The following MSRA variants were observed in gnomAD, a reference collection of about 807,000 sequenced individuals.
MSRA encodes mitochondrial peptide methionine sulfoxide reductase.
A neutral mutation model predicts 31.3 loss-of-function variants in MSRA; 54 were observed. That is an observed-to-expected ratio of 1.73 (90% CI 1.39 to 2.17). The LOEUF (loss-of-function observed/expected upper bound fraction) is 2.17, where lower values mean the gene tolerates loss of function less well. MSRA is among the 30% of genes most tolerant of loss of function. The pLI, the probability that MSRA is intolerant of heterozygous loss-of-function variation, is 0.00. For synonymous variants in MSRA, 169 were observed against 116.5 expected (o/e 1.45, Z -2.90); for missense variants, 507 against 300.9 (o/e 1.69, Z -5.07).
intron 1 of MSRA, among the ~76,000 whole-genome samples, chr8:10,063,715 C>G (rs1485667133): frequency 1.3e-5 from 2 of 152,156 alleles, no homozygotes; most frequent in African/African-American, 2.4e-5. Flanking sequence ...AGGCGCTGTC[C>G]GTGAACCAGA....
At chr8:10,351,114 T>A (rs1411632154) in intron 5 of MSRA, among the ~76,000 whole-genome samples, 4 of 152,192 alleles carry the variant, frequency 2.6e-5, no homozygotes, top group African/African-American at 9.6e-5. Flanking sequence ...CAACCTGAGA[T>A]GCTTCAGTGG....
intron 1 of MSRA, among the ~76,000 whole-genome samples, chr8:10,101,821 C>T (rs116681103): frequency 0.013 from 1,904 of 152,296 alleles, 32 homozygotes; most frequent in African/African-American, 0.043. Context: ...TACCTTTTGG[C>T]TGTTGTGAAT....
At chr8:10,286,788 C>T (rs866754864) in intron 3 of MSRA, among the ~76,000 whole-genome samples, 3 of 152,218 alleles carry the variant, frequency 2.0e-5, no homozygotes, top group South Asian at 4.1e-4. Context: ...GTATTGAATT[C>T]CTGGCCTGTC....
At chr8:10,403,539 G>A (rs1401963573) in intron 5 of MSRA, among the ~76,000 whole-genome samples, 1 of 152,208 alleles carries the variant, frequency 6.6e-6, no homozygotes, top group Non-Finnish European at 1.5e-5. Context: ...TGCTCGCTGG[G>A]GAAGGTGGTC....
intron 1 of MSRA, among the ~76,000 whole-genome samples, chr8:10,145,638 C>A (rs1453152387): frequency 6.6e-6 from 1 of 152,172 alleles, no homozygotes; most frequent in African/African-American, 2.4e-5. Flanking sequence ...TGTTCACTTT[C>A]AAAATCCTTC....
At position 10,213,118 on chromosome 8, in the gene MSRA, T is replaced by C. The variant is rs567814925; in HGVS notation, c.211+5217T>C. 3.3e-4 allele frequency among the ~76,000 whole-genome samples: 51 copies of C among 152,298 alleles called. 1 individual carries two copies. Among genetic ancestry groups the C allele is most frequent in the African/African-American group, 9.9e-4 (41 of 41,574 alleles). On this transcript the variant is annotated intron_variant, in intron 2 of 5. Coordinates refer to ENST00000317173, the MANE Select transcript of MSRA (RefSeq NM_012331.5). ...ATAGTCACCCTGTTGTACTATCAAA[T>C]GCTAGGTCTCATTCATTCTTTCTCA...
At chr8:10,213,112 A>C (rs1809655390) in intron 2 of MSRA, among the ~76,000 whole-genome samples, 1 of 152,190 alleles carries the variant, frequency 6.6e-6, no homozygotes, top group Non-Finnish European at 1.5e-5. Context: ...CTGTTGTACT[A>C]TCAAATGCTA....
At chr8:10,402,388 G>A (rs945844010) in intron 5 of MSRA, among the ~76,000 whole-genome samples, 25 of 152,196 alleles carry the variant, frequency 1.6e-4, no homozygotes, top group African/African-American at 5.1e-4. Context: ...GTTCTTCCTC[G>A]ACAGCCAGCA....
intron 2 of MSRA, among the ~76,000 whole-genome samples, chr8:10,230,732 G>A (rs1811391703): frequency 6.6e-6 from 1 of 152,168 alleles, no homozygotes; most frequent in African/African-American, 2.4e-5. Flanking sequence ...TAGTCAGTAA[G>A]ATTCTTAAGA....
chr8:10,063,560 C>G (rs762680596), intron 1 of MSRA, among the ~76,000 whole-genome samples: 31 of 152,282 alleles, frequency 2.0e-4, no homozygotes, highest in Admixed American at 5.9e-4. Context: ...TCCTCACCCC[C>G]CCAGGTGATG....
intron 2 of MSRA, among the ~76,000 whole-genome samples, chr8:10,239,593 T>G (rs1236032417): frequency 6.6e-6 from 1 of 152,272 alleles, no homozygotes; most frequent in African/African-American, 2.4e-5. Flanking sequence ...AAACTCCTTT[T>G]GCCTACTTGT....
intron 4 of MSRA, among the ~76,000 whole-genome samples, chr8:10,303,868 C>T (rs1405094059): frequency 6.6e-6 from 1 of 152,224 alleles, no homozygotes; most frequent in Non-Finnish European, 1.5e-5. Context: ...CTAATCCACC[C>T]ATTCAATCCA....
At chr8:10,336,673 G>T (rs138955332) in intron 5 of MSRA, 1 of 152,244 alleles carries the variant, frequency 6.6e-6, no homozygotes, top group East Asian at 1.9e-4. Context: ...TTTTGATGTA[G>T]ATTCCAGAGT....
At chr8:10,252,557 G>A (rs369018196) in intron 3 of MSRA, among the ~76,000 whole-genome samples, 4 of 152,130 alleles carry the variant, frequency 2.6e-5, no homozygotes, top group Non-Finnish European at 4.4e-5. Flanking sequence ...CAGGACTTAG[G>A]ACTAAGAAAG....
intron 3 of MSRA, among the ~76,000 whole-genome samples, chr8:10,283,572 A>AT (rs1799749841): frequency 6.6e-6 from 1 of 151,400 alleles, no homozygotes; most frequent in Non-Finnish European, 1.5e-5. Flanking sequence ...AATTTGTAGT[A>AT]TTTTATCTCT....
chr8:10,057,964 G>A (rs1802489535), intron 1 of MSRA, among the ~76,000 whole-genome samples: 2 of 152,182 alleles, frequency 1.3e-5, no homozygotes, highest in South Asian at 4.1e-4. Flanking sequence ...TGGAAACATT[G>A]CTAATCTGTG....
rs545631650 is a variant in MSRA, at chr8:10,260,275, C to T, written c.331+15052C>T. On this transcript the variant is annotated intron_variant, in intron 3 of 5. Transcript: ENST00000317173. ...TGAGGGATCTCACATGACAAGTATG[C>T]AAGAGCTGTTTAATACCACCACGCC... Among the ~76,000 whole-genome samples the T allele has an allele frequency of 1.9e-4, 29 of 152,224 alleles. No individual in the cohort carries two copies. The South Asian group carries it at 5.6e-3, about 29-fold the overall frequency.
chr8:10,095,882 C>T (rs1404628212), intron 1 of MSRA: 1 of 1,278,286 alleles, frequency 7.8e-7, no homozygotes, highest in Non-Finnish European at 1.0e-6. Context: ...TGATTTTTTG[C>T]ATGTATGATT....
chr8:10,069,237 G>T (rs926624879), intron 1 of MSRA, among the ~76,000 whole-genome samples: 1 of 152,044 alleles, frequency 6.6e-6, no homozygotes, highest in Admixed American at 6.5e-5. Flanking sequence ...TTCCCAATCT[G>T]TACACCTTTT....
Sources: allele counts gnomAD v4.1 joint callset (sites outside exome capture counted in the v4.1 genomes callset), GRCh38; gene constraint gnomAD v4.1.1; transcripts MANE v1.5; gene names NCBI Gene and HGNC (gene_info 2026-07-23, HGNC 2026-07-21).